Variants in CHN2 observed in about 807,000 individuals in gnomAD.
The protein encoded by CHN2 is chimerin 2.
In CHN2, 35 loss-of-function variants were observed where a neutral mutation model predicts 56.3. The observed-to-expected ratio is 0.62, with a 90% confidence interval of 0.47 to 0.82. CHN2 has a LOEUF of 0.82. Among genes scored for constraint, CHN2 ranks in the 40% least tolerant of loss-of-function variants. The pLI is 0.00. For missense variants in CHN2, 491 were observed against 580.5 expected, an observed-to-expected ratio of 0.85 and a Z score of 1.58; for synonymous variants, 210 against 212.8, an observed-to-expected ratio of 0.99 and a Z score of 0.12.
chr7:29,514,007 G>T lies in CHN2; in HGVS notation c.*1272G>T, dbSNP rs949018808. 1 of 152,562 alleles carries T rather than the reference G, an allele frequency of 6.6e-6. No homozygotes were observed. The highest frequency in any genetic ancestry group is 1.5e-5 in the Non-Finnish European group (1 of 68,024). 9.5% of individuals were successfully genotyped at this position (152,562 alleles called of 1,614,324 possible). On this transcript the variant is annotated 3_prime_UTR_variant, in exon 13 of 13. Transcript: ENST00000222792. ...TCTTTTCCTTTGATTGAGATGATTTGTGTAAACTCACCAGTCTTGCTTTGG... is the reference window on the plus strand; with the variant it reads ...TCTTTTCCTTTGATTGAGATGATTTTTGTAAACTCACCAGTCTTGCTTTGG...
intron 6 of CHN2, among the ~76,000 whole-genome samples, chr7:29,443,229 T>C (rs58361097): frequency 0.31 from 47,076 of 151,926 alleles, 7,744 homozygotes; most frequent in African/African-American, 0.42. Flanking sequence ...CGTGAGCCAC[T>C]GTGCCCGGCC....
intron 1 of CHN2, among the ~76,000 whole-genome samples, chr7:29,327,655 G>A (rs187272696): frequency 2.6e-5 from 4 of 152,004 alleles, no homozygotes; most frequent in South Asian, 2.1e-4. Context: ...TTAATGACGC[G>A]GTGCTCCCAT....
intron 2 of CHN2, among the ~76,000 whole-genome samples, chr7:29,176,703 G>A (rs902274878): frequency 1.3e-5 from 2 of 152,164 alleles, no homozygotes; most frequent in African/African-American, 4.8e-5. Flanking sequence ...GGAAACTTCT[G>A]TTTAAACCTA....
chr7:29,325,630 A>C (rs1795740435), intron 1 of CHN2, among the ~76,000 whole-genome samples: 1 of 152,206 alleles, frequency 6.6e-6, no homozygotes, highest in South Asian at 2.1e-4. Context: ...AACATAATAC[A>C]ACCAGTGAGG....
chr7:29,253,164 A>G (rs1311448882), intron 1 of CHN2, among the ~76,000 whole-genome samples: 1 of 152,154 alleles, frequency 6.6e-6, no homozygotes, highest in African/African-American at 2.4e-5. Context: ...TCACATAATA[A>G]GATGTGCTGA....
At position 29,400,745 on chromosome 7, in the gene CHN2, A is replaced by G; in HGVS notation, c.493A>G (p.Lys165Glu). ...HIGYATLLRE[K>E]VSRRLSRSKN... ...TGGATATGCCACCCTACTCAGAGAA[A>G]AAGTATCCAGAAGGCTGAGCAGGTC... Residue 165 changes from lysine to glutamate, a missense_variant, in exon 6 of 13, where the codon AAA becomes GAA. By Grantham distance (56) the Lys-to-Glu change is moderately conservative (BLOSUM62 1). Transcript: ENST00000222792. 1.9e-6 allele frequency: 3 copies of G among 1,614,210 alleles called. No homozygotes were observed. The highest frequency in any genetic ancestry group is 1.1e-5 in the South Asian group (1 of 91,088).
At chr7:29,338,914 A>G (rs1205271833) in intron 1 of CHN2, among the ~76,000 whole-genome samples, 4 of 152,220 alleles carry the variant, frequency 2.6e-5, no homozygotes, top group African/African-American at 9.6e-5. Flanking sequence ...ACTGCATACA[A>G]AACATCTAAC....
In CHN2 at chr7:29,195,046, CG is replaced by C. The variant is rs1032323387; in HGVS notation, c.49+57del. 47 of 1,539,368 alleles carry C rather than the reference CG, an allele frequency of 3.1e-5. No homozygotes were observed. In the African/African-American group the frequency reaches 6.2e-4, roughly 20 times the overall value. ...GCGCCGGGTCTCGCCCCACTGCCCT[CG>C]CCCCGCAGCCTGGGATGGACAGAGC... is the stretch of plus-strand genomic sequence containing the variant. On this transcript the variant is annotated intron_variant, in intron 1 of 12. Transcript: ENST00000222792.
At chr7:29,157,262 A>G (rs947350707) in intron 2 of CHN2, among the ~76,000 whole-genome samples, 1 of 142,960 alleles carries the variant, frequency 7.0e-6, no homozygotes, top group Non-Finnish European at 1.5e-5. Context: ...CCCCTCCCCC[A>G]CCCTGCTACA....
intron 3 of CHN2, among the ~76,000 whole-genome samples, chr7:29,383,818 A>G (rs934353633): frequency 1.3e-5 from 2 of 152,200 alleles, no homozygotes; most frequent in African/African-American, 2.4e-5. Flanking sequence ...GCTGAGAGCA[A>G]TGTGACAAGA....
chr7:29,228,040 T>A (rs1219998638), intron 1 of CHN2, among the ~76,000 whole-genome samples: 3 of 152,222 alleles, frequency 2.0e-5, no homozygotes, highest in Non-Finnish European at 2.9e-5. Flanking sequence ...ATATATTTTC[T>A]GAGTTCTAAA....
chr7:29,403,215 C>T (rs1422884817), intron 6 of CHN2, among the ~76,000 whole-genome samples: 1 of 151,374 alleles, frequency 6.6e-6, no homozygotes, highest in Non-Finnish European at 1.5e-5. Context: ...AGGTCTCAGC[C>T]TTGCCAGAGA....
intron 1 of CHN2, among the ~76,000 whole-genome samples, chr7:29,316,716 G>A (rs1401267484): frequency 2.3e-5 from 3 of 130,802 alleles, no homozygotes; most frequent in Non-Finnish European, 5.2e-5. Context: ...ATACAAAGAT[G>A]TGTGATTTTT....
chr7:29,153,778 C>T (rs113853924), intron 2 of CHN2, among the ~76,000 whole-genome samples: 202 of 152,248 alleles, frequency 1.3e-3, no homozygotes, highest in Admixed American at 2.2e-3. Context: ...CCATGTTGGC[C>T]AGGCTGGTCT....
rs116849442 is a variant in CHN2 at position 29,299,729 on chromosome 7, C to T, written c.50-54896C>T. 2.8e-3 allele frequency among the ~76,000 whole-genome samples: 423 copies of T among 152,276 alleles called. 1 individual carries two copies. The highest frequency in any genetic ancestry group is 4.9e-3 in the Non-Finnish European group (336 of 68,024). ...AATATTGCTTGTTGTCCCATAATTCCTGTATTTCCATTGAGCTTCTATTAA... is the reference window on the plus strand; with the variant it reads ...AATATTGCTTGTTGTCCCATAATTCTTGTATTTCCATTGAGCTTCTATTAA... On this transcript the variant is annotated intron_variant, in intron 1 of 12. Transcript: ENST00000222792.
At position 29,475,243 on chromosome 7, in the gene CHN2, G is replaced by GA. The variant is rs1299426289; in HGVS notation, c.577-5028dup. 1.7e-4 allele frequency among the ~76,000 whole-genome samples: 26 copies of GA among 151,946 alleles called. 1 individual carries two copies. The South Asian group carries it at 5.4e-3, about 32-fold the overall frequency. ...CAACCTTTATTCATCAAAAAAAGAA[G>GA]AAAAAAAAGAAGTGGTGAGCTTATG... On this transcript the variant is annotated intron_variant, in intron 6 of 12. Coordinates refer to ENST00000222792, the MANE Select transcript of CHN2 (RefSeq NM_004067.4).
At chr7:29,252,574 CTTTGTTTTTTTTTTT>C (rs1305571299) in intron 1 of CHN2, among the ~76,000 whole-genome samples, 2 of 19,300 alleles carry the variant, frequency 1.0e-4, no homozygotes, top group East Asian at 2.8e-3. Context: ...AAATTGCATT[CTTTGTTTTTTTTTTT>C]TTTTTTTTTT....
In CHN2 at chr7:29,473,463, T is replaced by C. The variant is rs577679200; in HGVS notation, c.577-6816T>C. Among the ~76,000 whole-genome samples the C allele has an allele frequency of 9.1e-5, 9 of 99,250 alleles. No individual in the cohort carries two copies. The East Asian group carries it at 2.3e-3, about 25-fold the overall frequency. The allele number at this position is 99,250 out of a possible 152,430, so 65.1% of individuals were successfully genotyped here. A position where few individuals can be genotyped will look rare whatever the true frequency, so the allele number is the denominator to read the frequency against. ...TGAGCATGGGGTGTTTGTGTGTGTG[T>C]GTTTGTGTTTTTTTTTTTTTGTGTG... On this transcript the variant is annotated intron_variant, in intron 6 of 12. Transcript: ENST00000222792.
At chr7:29,149,300 C>G (rs975069250) in intron 2 of CHN2, among the ~76,000 whole-genome samples, 3 of 145,276 alleles carry the variant, frequency 2.1e-5, no homozygotes, top group African/African-American at 7.6e-5. Context: ...TCAAGCGATT[C>G]CCTGCTTCAG....
Sources: allele counts gnomAD v4.1 joint callset (sites outside exome capture counted in the v4.1 genomes callset), GRCh38; gene constraint gnomAD v4.1.1; transcripts MANE v1.5; gene names NCBI Gene and HGNC (gene_info 2026-07-23, HGNC 2026-07-21).